Variants in ACO1 observed in about 807,000 individuals in gnomAD.
ACO1 encodes the protein cytoplasmic aconitate hydratase.
In ACO1, 78 loss-of-function variants were observed where a neutral mutation model predicts 105.1. That is an observed-to-expected ratio of 0.74 (90% CI 0.62 to 0.90). The LOEUF is 0.90. Ranked by LOEUF, ACO1 falls within the 40% of genes least tolerant of loss-of-function variation. The pLI is 0.00. For synonymous variants in ACO1, 364 were observed against 397.4 expected, an observed-to-expected ratio of 0.92 and a Z score of 1.00; for missense variants, 965 against 1,111.1, an observed-to-expected ratio of 0.87 and a Z score of 1.87.
At position 32,450,148 on chromosome 9, in the gene ACO1, C is replaced by G. The variant is rs550451413; in HGVS notation, c.*37C>G. On this transcript the variant is annotated 3_prime_UTR_variant, in exon 21 of 21. Transcript: ENST00000309951. ...TTGGTGCTGCGCCCAGGGAGGAAGC[C>G]GCACCACCAGCCAGCGCAGGCCCTG... The G allele has an allele frequency of 1.3e-6, 2 of 1,544,416 alleles. No individual in the cohort carries two copies. The highest frequency in any genetic ancestry group is 1.8e-6 in the Non-Finnish European group (2 of 1,118,412).
intron 12 of ACO1, among the ~76,000 whole-genome samples, chr9:32,428,069 G>A (rs1348351254): frequency 2.6e-5 from 4 of 151,528 alleles, no homozygotes; most frequent in Non-Finnish European, 5.9e-5. Flanking sequence ...CAAGCCAGGA[G>A]TTTGAAACTA....
At chr9:32,424,498 C>T in intron 9 of ACO1, 51 bp from the exon 10 acceptor site, 1 of 1,295,420 alleles carries the variant, frequency 7.7e-7, no homozygotes, top group Non-Finnish European at 1.1e-6. Flanking sequence ...TGGGTTTCCT[C>T]TTTGTGGGTA....
At chr9:32,426,589 A>G (rs2118495318) in intron 11 of ACO1, among the ~76,000 whole-genome samples, 1 of 152,312 alleles carries the variant, frequency 6.6e-6, no homozygotes, top group East Asian at 1.9e-4. Flanking sequence ...TATGAAGCAG[A>G]CACGGGCATT....
At chr9:32,424,710 T>C (rs1342847667) in intron 10 of ACO1, 45 bp downstream of exon 10, 2 of 1,328,816 alleles carry the variant, frequency 1.5e-6, no homozygotes, top group Admixed American at 1.8e-5. Flanking sequence ...ACTCTACCTC[T>C]TGCCTGGTTA....
intron 15 of ACO1, among the ~76,000 whole-genome samples, chr9:32,432,821 TC>T (rs1157002366): frequency 2.0e-5 from 3 of 152,210 alleles, no homozygotes; most frequent in Non-Finnish European, 2.9e-5. Flanking sequence ...TTTCTGTGGG[TC>T]AAGAATCCAG....
chr9:32,431,276 G>A (rs965139710), intron 14 of ACO1, among the ~76,000 whole-genome samples: 7 of 152,144 alleles, frequency 4.6e-5, no homozygotes, highest in Admixed American at 6.5e-5. Flanking sequence ...GCTCTCCTGC[G>A]ATATATAAGG....
chr9:32,398,375 C>T (rs890081455), intron 1 of ACO1, among the ~76,000 whole-genome samples: 3 of 152,114 alleles, frequency 2.0e-5, no homozygotes, highest in Non-Finnish European at 2.9e-5. Context: ...CATCACATGG[C>T]ACTCCTCTTG....
intron 8 of ACO1, 84 bp downstream of exon 8, chr9:32,421,111 A>T (rs560140119): frequency 7.0e-7 from 1 of 1,421,240 alleles, no homozygotes; most frequent in African/African-American, 1.4e-5. Context: ...TTCTGCCTCT[A>T]CCCAACAGAA....
At chr9:32,414,770 A>G (rs1175872635) in intron 4 of ACO1, among the ~76,000 whole-genome samples, 1 of 152,194 alleles carries the variant, frequency 6.6e-6, no homozygotes, top group Non-Finnish European at 1.5e-5. Flanking sequence ...TGTGGTTATA[A>G]TCTTACCTGT....
intron 9 of ACO1, 47 bp from the exon 10 acceptor site, chr9:32,424,502 G>C: frequency 7.6e-7 from 1 of 1,312,760 alleles, no homozygotes; most frequent in Non-Finnish European, 1.1e-6. Flanking sequence ...TTTCCTCTTT[G>C]TGGGTATAAT....
intron 17 of ACO1, 107 bp from the exon 18 acceptor site, chr9:32,436,143 C>A: frequency 7.0e-7 from 1 of 1,425,670 alleles, no homozygotes; most frequent in Non-Finnish European, 9.8e-7. Context: ...AGAGAAATAG[C>A]CAGGTCTATG....
chr9:32,429,336 G>A (rs1437258560), intron 12 of ACO1, 83 bp from the exon 13 acceptor site: 9 of 1,277,960 alleles, frequency 7.0e-6, no homozygotes, highest in African/African-American at 1.5e-5. Flanking sequence ...TTGAACAGTG[G>A]TCTCTGGAAA....
intron 4 of ACO1, among the ~76,000 whole-genome samples, chr9:32,416,810 T>A (rs1821861408): frequency 6.6e-6 from 1 of 152,194 alleles, no homozygotes; most frequent in Admixed American, 6.5e-5. Flanking sequence ...CAGCACTGTG[T>A]TATCGTCTAA....
intron 1 of ACO1, among the ~76,000 whole-genome samples, chr9:32,404,714 T>C (rs1273080552): frequency 1.3e-5 from 2 of 152,166 alleles, no homozygotes. Flanking sequence ...CATTTTAGAA[T>C]GTGCCCTCCC....
intron 2 of ACO1, 32 bp downstream of exon 2, chr9:32,405,635 CT>C: frequency 2.1e-6 from 3 of 1,447,600 alleles, no homozygotes; most frequent in Non-Finnish European, 2.9e-6. Context: ...CAATTGGAAT[CT>C]CATTTGCACA....
intron 10 of ACO1, among the ~76,000 whole-genome samples, chr9:32,425,125 C>A (rs989008431): frequency 3.3e-5 from 5 of 152,194 alleles, no homozygotes; most frequent in Non-Finnish European, 7.3e-5. Context: ...TGAAATACTT[C>A]GATAGCATTC....
At chr9:32,407,154 G>A (rs1428120987) in intron 2 of ACO1, 107 bp from the exon 3 acceptor site, 3 of 1,027,374 alleles carry the variant, frequency 2.9e-6, no homozygotes, top group Non-Finnish European at 2.9e-6. Flanking sequence ...TTTCCTTGTG[G>A]AAGAATAGTC....
intron 1 of ACO1, among the ~76,000 whole-genome samples, chr9:32,402,170 C>T (rs1437767150): frequency 6.6e-6 from 1 of 152,166 alleles, no homozygotes; most frequent in Non-Finnish European, 1.5e-5. Context: ...TAAAAGATAC[C>T]ATTTCCCATT....
intron 1 of ACO1, among the ~76,000 whole-genome samples, chr9:32,390,741 G>C (rs1167679512): frequency 1.3e-5 from 2 of 152,070 alleles, no homozygotes; most frequent in Admixed American, 6.6e-5. Flanking sequence ...AAGAATCATG[G>C]TGAAAAGAGT....
Sources: allele counts gnomAD v4.1 joint callset (sites outside exome capture counted in the v4.1 genomes callset), GRCh38; gene constraint gnomAD v4.1.1; transcripts MANE v1.5; gene names NCBI Gene and HGNC (gene_info 2026-07-23, HGNC 2026-07-21).